Variants in SF3B3 observed in about 807,000 individuals in gnomAD.
SF3B3 encodes SAP 130.
In SF3B3, 33 loss-of-function variants were observed where a neutral mutation model predicts 139.2. That is an observed-to-expected ratio of 0.24 (90% CI 0.18 to 0.32). SF3B3 has a LOEUF of 0.32. SF3B3 is among the 10% of genes least tolerant of loss of function. The pLI is 1.00. For missense variants in SF3B3, 818 were observed against 1,509.4 expected, an observed-to-expected ratio of 0.54 and a Z score of 7.59; for synonymous variants, 596 against 563.6, an observed-to-expected ratio of 1.06 and a Z score of -0.81.
chr16:70,561,310 C>T (rs911037705), intron 16 of SF3B3: 6 of 202,016 alleles, frequency 3.0e-5, no homozygotes, highest in South Asian at 1.2e-4. Flanking sequence ...CATGAGCCAC[C>T]GCACCTGGCC....
intron 20 of SF3B3, among the ~76,000 whole-genome samples, chr16:70,566,127 A>AAG (rs1430234584): frequency 6.6e-6 from 1 of 151,380 alleles, no homozygotes; most frequent in African/African-American, 2.4e-5. Flanking sequence ...AAAAAAAAAA[A>AAG]GATTTAATAT....
At position 70,528,563 on chromosome 16, in the gene SF3B3, C is replaced by T. The variant is rs1354212766; in HGVS notation, c.71-310C>T. Among the ~76,000 whole-genome samples, 5 of 149,794 alleles carry T rather than the reference C, an allele frequency of 3.3e-5. No homozygotes were observed. The Admixed American group carries it at 3.4e-4, about 10-fold the overall frequency. On this transcript the variant is annotated intron_variant, in intron 2 of 25. Transcript: ENST00000302516. Reference sequence around the variant, plus strand: ...TATAACCCACTACATTCTCTGAACTCCTGGGTTCAAACTGTCCTCCCACGT... The same window carrying T: ...TATAACCCACTACATTCTCTGAACTTCTGGGTTCAAACTGTCCTCCCACGT...
intron 23 of SF3B3, 59 bp downstream of exon 23, chr16:70,569,200 C>A: frequency 1.6e-6 from 2 of 1,229,712 alleles, no homozygotes; most frequent in South Asian, 1.3e-5. Flanking sequence ...CTGTTGCCCT[C>A]ACTGAAGAAA....
At chr16:70,558,310 C>G (rs921626391) in intron 15 of SF3B3, among the ~76,000 whole-genome samples, 1 of 150,378 alleles carries the variant, frequency 6.6e-6, no homozygotes, top group African/African-American at 2.4e-5. Flanking sequence ...GAGATAGGGT[C>G]TCGCTGTGTT....
In SF3B3 at chr16:70,545,976, G is replaced by T. The variant is rs371414823; in HGVS notation, c.1329+1443G>T. ...TTTAGAGCCATAGGTCTGGTTTTTG[G>T]TTTTTTGTTGTTGTTGTTTTTGTTT... On this transcript the variant is annotated intron_variant, in intron 10 of 25. Transcript: ENST00000302516. Among the ~76,000 whole-genome samples the T allele has an allele frequency of 3.9e-5, 6 of 152,182 alleles. No individual in the cohort carries two copies. In the East Asian group the frequency reaches 5.8e-4, roughly 15 times the overall value.
At chr16:70,525,970 A>C (rs1322081135) in intron 1 of SF3B3, among the ~76,000 whole-genome samples, 1 of 147,634 alleles carries the variant, frequency 6.8e-6, no homozygotes, top group Non-Finnish European at 1.5e-5. Context: ...AAAAAAAAAA[A>C]AAAAAAAAAA....
intron 11 of SF3B3, among the ~76,000 whole-genome samples, chr16:70,550,862 C>G (rs941597973): frequency 7.9e-5 from 12 of 152,210 alleles, no homozygotes; most frequent in South Asian, 2.1e-4. Context: ...AGGCAGGAGT[C>G]TGCCTCTCTA....
At chr16:70,561,899 C>A (rs1325565935) in intron 17 of SF3B3, 115 bp downstream of exon 17, 1 of 844,872 alleles carries the variant, frequency 1.2e-6, no homozygotes, top group Non-Finnish European at 1.9e-6. Flanking sequence ...CCGACTTCAC[C>A]ATGAAGCTTG....
In SF3B3 at chr16:70,567,548, G is replaced by T. The variant is rs1320792720; in HGVS notation, c.2952+12G>T. 2 of 1,611,570 alleles carry T rather than the reference G, an allele frequency of 1.2e-6. No individual in the cohort carries two copies. Among genetic ancestry groups the T allele is most frequent in the Admixed American group, 3.3e-5 (2 of 59,790 alleles). Reference sequence around the variant, plus strand: ...AATGTGAGAATAAGGTAAGTGTGCTGGCATTGGTGCTGAGATCTAGCTCAT... The same window carrying T: ...AATGTGAGAATAAGGTAAGTGTGCTTGCATTGGTGCTGAGATCTAGCTCAT... On this transcript the variant is annotated intron_variant, in intron 21 of 25. Transcript: ENST00000302516.
chr16:70,551,351 G>A (rs1461636884), intron 11 of SF3B3, among the ~76,000 whole-genome samples: 1 of 152,150 alleles, frequency 6.6e-6, no homozygotes, highest in Non-Finnish European at 1.5e-5. Context: ...AGTGTGGATG[G>A]TACAGTTCCT....
At position 70,564,062 on chromosome 16, in the gene SF3B3, A is replaced by G. The variant is rs780391121; in HGVS notation, c.2463+12A>G. 8 of 1,612,348 alleles carry G rather than the reference A, an allele frequency of 5.0e-6. No homozygotes were observed. The South Asian group carries it at 5.5e-5, about 11-fold the overall frequency. On this transcript the variant is annotated intron_variant, in intron 18 of 25. Coordinates refer to ENST00000302516, the MANE Select transcript of SF3B3 (RefSeq NM_012426.5). The stretch of plus-strand genomic sequence containing the variant: ...AGCAGATGGCAGAGGTAATGAGACT[A>G]ACGTTCAGGGGTTCTATTAAAAGAT...
At chr16:70,566,809 G>T (rs544167682) in intron 20 of SF3B3, among the ~76,000 whole-genome samples, 1 of 152,270 alleles carries the variant, frequency 6.6e-6, no homozygotes, top group Admixed American at 6.5e-5. Context: ...AGCATTTTGG[G>T]AGTCTGAGTC....
intron 1 of SF3B3, among the ~76,000 whole-genome samples, chr16:70,526,250 C>T (rs1220491737): frequency 6.6e-6 from 1 of 151,894 alleles, no homozygotes; most frequent in African/African-American, 2.4e-5. Flanking sequence ...TTCTGTCGCC[C>T]AGCCTGGAGT....
chr16:70,531,725 A>G (rs1218556631), intron 4 of SF3B3, among the ~76,000 whole-genome samples: 1 of 152,246 alleles, frequency 6.6e-6, no homozygotes, highest in Non-Finnish European at 1.5e-5. Flanking sequence ...CAAGATATTT[A>G]TTGGGAAAAG....
Position 70,556,234 on chromosome 16 carries a change from G to T in SF3B3, c.1766G>T (p.Cys589Phe). 6.2e-7 allele frequency: 1 copy of T among 1,614,198 alleles called. No homozygotes were observed. The highest frequency in any genetic ancestry group is 8.5e-7 in the Non-Finnish European group (1 of 1,180,032). ...ERKEMSADVV[C>F]MSLANVPPGE... Reference sequence around the variant, plus strand: ...AAGGAGATGTCAGCAGATGTGGTGTGCATGAGTCTGGCCAATGTACCCCCT... The same window carrying T: ...AAGGAGATGTCAGCAGATGTGGTGTTCATGAGTCTGGCCAATGTACCCCCT... Residue 589 changes from cysteine (C) to phenylalanine (F), a missense_variant, in exon 14 of 26, where the codon TGC (cysteine) becomes TTC (phenylalanine). Around this residue, in one of 14 missense-constraint regions of SF3B3, gnomAD observed 170 missense variants for 353.0 expected, o/e 0.48. Transcript: ENST00000302516.
At position 70,573,751 on chromosome 16, in the gene SF3B3, A is replaced by T. The variant is rs2050551229; in HGVS notation, c.*1938A>T. The T allele has an allele frequency of 6.6e-6, 1 of 152,228 alleles. No individual in the cohort carries two copies. The highest frequency in any genetic ancestry group is 2.4e-5 in the African/African-American group (1 of 41,454). 9.4% of individuals were successfully genotyped at this position (152,228 alleles called of 1,614,324 possible). On this transcript the variant is annotated 3_prime_UTR_variant, in exon 26 of 26. Coordinates refer to ENST00000302516, the MANE Select transcript of SF3B3 (RefSeq NM_012426.5). ...CTCCAGCTTTGGCAAAACCCATCAG[A>T]GGCTGCTGCAGAACTCAGACAGAGG...
intron 11 of SF3B3, among the ~76,000 whole-genome samples, chr16:70,553,911 A>G (rs2050354719): frequency 6.6e-6 from 1 of 152,206 alleles, no homozygotes; most frequent in African/African-American, 2.4e-5. Flanking sequence ...GTTTTCTTAC[A>G]TCATTCCCAT....
intron 8 of SF3B3, 139 bp from the exon 9 acceptor site, chr16:70,541,530 G>C: frequency 1.6e-6 from 1 of 635,844 alleles, no homozygotes; most frequent in Non-Finnish European, 2.6e-6. Flanking sequence ...CCTAGCTGTC[G>C]TACTTAGTGA....
rs1567411425 is a variant in SF3B3, at chr16:70,535,556, ATGT to A, written c.825+141_825+143del. On this transcript the variant is annotated intron_variant, in intron 6 of 25. Coordinates refer to ENST00000302516, the MANE Select transcript of SF3B3 (RefSeq NM_012426.5). ...CAGTGACCCTGGGGCAGGGACGTAAATGTTGTTTTTAATAAAGCTGGTGAAATA... is the reference window on the plus strand; with the variant it reads ...CAGTGACCCTGGGGCAGGGACGTAAATGTTTTTAATAAAGCTGGTGAAATA... 6.9e-6 allele frequency: 3 copies of A among 437,462 alleles called. No homozygotes were observed. The Admixed American group carries it at 1.3e-4, about 18-fold the overall frequency. 27.1% of individuals were successfully genotyped at this position (437,462 alleles called of 1,614,324 possible).
Sources: gnomAD v4.1 joint callset for allele counts (sites outside exome capture counted in the v4.1 genomes callset) on GRCh38, gnomAD v4.1.1 for gene constraint, gnomAD v4.1.1 regional missense constraint, MANE v1.5 for transcripts, NCBI Gene and HGNC (gene_info 2026-07-23, HGNC 2026-07-21) for gene names.